Variants in RMND5A observed in about 807,000 individuals in gnomAD.
The protein encoded by RMND5A is E3 ubiquitin-protein transferase RMND5A.
In RMND5A, 17 loss-of-function variants were observed where a neutral mutation model predicts 49.7. The observed-to-expected ratio is 0.34, with a 90% confidence interval of 0.23 to 0.51. The LOEUF (loss-of-function observed/expected upper bound fraction) is 0.51. RMND5A is among the 20% of genes least tolerant of loss of function. RMND5A has a pLI of 0.96. For missense variants in RMND5A, 255 were observed against 471.3 expected, an observed-to-expected ratio of 0.54 and a Z score of 4.25; for synonymous variants, 156 against 167.7, an observed-to-expected ratio of 0.93 and a Z score of 0.54.
At chr2:86,742,613 G>A (rs1681467350) in intron 2 of RMND5A, among the ~76,000 whole-genome samples, 1 of 151,684 alleles carries the variant, frequency 6.6e-6, no homozygotes, top group African/African-American at 2.4e-5. Context: ...GTCTTCATTT[G>A]TGGGTGAAGA....
rs148532409 is a variant in RMND5A, at chr2:86,744,173, A to G, written c.285+3104A>G. Among the ~76,000 whole-genome samples, 1,472 of 152,228 alleles carry G rather than the reference A, an allele frequency of 9.7e-3. 10 individuals carry two copies. Among genetic ancestry groups the G allele is most frequent in the Non-Finnish European group, 0.017 (1,182 of 68,012 alleles). ...AGCTGAAGAGGAAGCTGTTTCCCCA[A>G]TAGAAGTACCTAGACGTTGTGAATG... On this transcript the variant is annotated intron_variant, in intron 2 of 8. Coordinates refer to ENST00000283632, the MANE Select transcript of RMND5A (RefSeq NM_022780.4).
chr2:86,763,618 T>G (rs1672543076), intron 4 of RMND5A, among the ~76,000 whole-genome samples: 1 of 152,040 alleles, frequency 6.6e-6, no homozygotes, highest in South Asian at 2.1e-4. Context: ...AAAACAATTT[T>G]TAAAAAAATT....
intron 4 of RMND5A, among the ~76,000 whole-genome samples, chr2:86,757,316 C>T (rs1681760201): frequency 6.6e-6 from 1 of 152,076 alleles, no homozygotes; most frequent in Admixed American, 6.5e-5. Flanking sequence ...TTGCCTGCTC[C>T]TGTGTTCCGT....
intron 4 of RMND5A, among the ~76,000 whole-genome samples, chr2:86,760,133 C>T (rs1226299860): frequency 6.6e-6 from 1 of 152,108 alleles, no homozygotes; most frequent in Non-Finnish European, 1.5e-5. Flanking sequence ...CAACCTCTGC[C>T]TCCCGAGTTC....
intron 4 of RMND5A, among the ~76,000 whole-genome samples, chr2:86,756,107 T>C (rs1037080067): frequency 6.6e-6 from 1 of 152,092 alleles, no homozygotes; most frequent in African/African-American, 2.4e-5. Flanking sequence ...AAGTGTATCA[T>C]CAAGCCAGGT....
chr2:86,770,007 T>G lies in RMND5A; in HGVS notation c.855-16T>G, dbSNP rs187968803. The G allele has an allele frequency of 3.8e-4, 605 of 1,606,470 alleles. 3 individuals carry two copies. The African/African-American group carries it at 7.3e-3, about 19-fold the overall frequency. The stretch of plus-strand genomic sequence containing the variant: ...CCCCTGGCCTGGCACTGACGTTTCC[T>G]CTTCTGCTCTCCCAGTTTCTCAGCA... On this transcript the variant is annotated splice_polypyrimidine_tract_variant and intron_variant, in intron 6 of 8. Coordinates refer to ENST00000283632, the MANE Select transcript of RMND5A (RefSeq NM_022780.4).
At chr2:86,758,925 T>C (rs1681794759) in intron 4 of RMND5A, among the ~76,000 whole-genome samples, 1 of 152,180 alleles carries the variant, frequency 6.6e-6, no homozygotes, top group Admixed American at 6.5e-5. Flanking sequence ...TTTCACCAGG[T>C]CCACACCTGT....
At chr2:86,720,855 G>A (rs1438328628) in intron 1 of RMND5A, 46 bp downstream of exon 1, 2 of 1,506,756 alleles carry the variant, frequency 1.3e-6, no homozygotes, top group South Asian at 2.5e-5. Flanking sequence ...CACTGCCCGA[G>A]CCCCGGTCCC....
intron 1 of RMND5A, among the ~76,000 whole-genome samples, chr2:86,729,167 A>G (rs1230919088): frequency 6.6e-6 from 1 of 152,262 alleles, no homozygotes; most frequent in Non-Finnish European, 1.5e-5. Flanking sequence ...AGAATGCTTA[A>G]AAGGTATAAG....
Position 86,720,804 on chromosome 2 carries a change from G to A in RMND5A, c.137G>A (p.Ser46Asn). Residue 46 changes from serine to asparagine, a missense_variant, in exon 1 of 9, where the codon AGC becomes AAC. This residue lies in a region of RMND5A where 42 missense variants were observed against 59.9 expected (regional missense o/e 0.70). Coordinates refer to ENST00000283632, the MANE Select transcript of RMND5A (RefSeq NM_022780.4). ...GGCCTCAAGCACGAGATCCTGCAGA[G>A]CCACGGTAGGGCGGCCCGCGTGGGC... is the stretch of plus-strand genomic sequence containing the variant. ...TGGLKHEILQ[S>N]HGQDAELSGT... 1.9e-6 allele frequency: 3 copies of A among 1,589,588 alleles called. No homozygotes were observed. The highest frequency in any genetic ancestry group is 1.7e-6 in the Non-Finnish European group (2 of 1,169,194).
intron 2 of RMND5A, chr2:86,748,416 G>A (rs545902318): frequency 6.6e-6 from 1 of 152,136 alleles, no homozygotes; most frequent in Non-Finnish European, 1.5e-5. Context: ...GAAAACAATC[G>A]AATGCATTGC....
chr2:86,770,707 C>G (rs1427761802), intron 7 of RMND5A, among the ~76,000 whole-genome samples: 2 of 152,210 alleles, frequency 1.3e-5, no homozygotes, highest in Non-Finnish European at 2.9e-5. Flanking sequence ...CTAAGACAAG[C>G]ACCAGCTTTC....
intron 4 of RMND5A, among the ~76,000 whole-genome samples, chr2:86,760,603 C>CT (rs1365407915): frequency 5.3e-5 from 8 of 152,218 alleles, no homozygotes; most frequent in African/African-American, 1.7e-4. Flanking sequence ...TGCACATCTA[C>CT]TGTCAGTTAC....
intron 2 of RMND5A, among the ~76,000 whole-genome samples, chr2:86,750,649 G>C (rs1271967608): frequency 1.3e-5 from 2 of 152,160 alleles, no homozygotes; most frequent in Middle Eastern, 3.4e-3. Flanking sequence ...TATGTCTTTT[G>C]CTAAACTTGG....
chr2:86,757,059 G>T (rs966176289), intron 4 of RMND5A, among the ~76,000 whole-genome samples: 2 of 152,130 alleles, frequency 1.3e-5, no homozygotes, highest in East Asian at 3.9e-4. Context: ...TGTAATCCCA[G>T]CTACTCAGGA....
intron 6 of RMND5A, among the ~76,000 whole-genome samples, chr2:86,767,830 T>A (rs1344470948): frequency 1.3e-5 from 2 of 152,158 alleles, no homozygotes; most frequent in East Asian, 3.8e-4. Context: ...TAAGGAGGAG[T>A]ATCCACAATG....
rs1014437975 is a variant in RMND5A, at chr2:86,772,699, A to G, written c.1113-649A>G. On this transcript the variant is annotated intron_variant, in intron 8 of 8. Transcript: ENST00000283632. ...AACCTCTGCCTCCTGGGTTCAAGCA[A>G]TTTTCATGCCTCAGCTTCCTGAGTA... Among the ~76,000 whole-genome samples, 66 of 151,624 alleles carry G rather than the reference A, an allele frequency of 4.4e-4. 1 individual carries two copies. The highest frequency in any genetic ancestry group is 1.6e-3 in the African/African-American group (66 of 41,234).
rs531597385 is a variant in RMND5A at position 86,770,050 on chromosome 2, A to G, written c.882A>G (p.Pro294=). 2.5e-6 allele frequency: 4 copies of G among 1,613,962 alleles called. No homozygotes were observed. Among genetic ancestry groups the G allele is most frequent in the Admixed American group, 3.3e-5 (2 of 60,030 alleles). Residue 294 remains proline (P), a synonymous_variant, in exon 7 of 9, where the codon CCA becomes CCG. Coordinates refer to ENST00000283632, the MANE Select transcript of RMND5A (RefSeq NM_022780.4). The part of the protein sequence containing the change: ...VSFSAGCVAL[P]ALINIKAVIE... ...TCTCAGCAGGTTGTGTGGCGCTGCC[A>G]GCTTTAATTAACATCAAAGCCGTGA...
At chr2:86,758,516 A>G (rs950400968) in intron 4 of RMND5A, among the ~76,000 whole-genome samples, 3 of 152,338 alleles carry the variant, frequency 2.0e-5, no homozygotes. Flanking sequence ...TATTTTGAGC[A>G]TGCCTGCTAG....
Sources: gnomAD v4.1 joint callset for allele counts (sites outside exome capture counted in the v4.1 genomes callset) on GRCh38, gnomAD v4.1.1 for gene constraint, gnomAD v4.1.1 regional missense constraint, MANE v1.5 for transcripts, NCBI Gene and HGNC (gene_info 2026-07-23, HGNC 2026-07-21) for gene names.